SLC28A1: variants seen among roughly 807,000 people sequenced by gnomAD.
The protein encoded by SLC28A1 is solute carrier family 28 member 1.
A neutral mutation model predicts 74.8 loss-of-function variants in SLC28A1; 64 were observed. The ratio of observed to expected loss-of-function variants is 0.86; its 90% CI spans 0.70 to 1.05. The LOEUF is 1.05. Among genes scored for constraint, SLC28A1 ranks in the 50% least tolerant of loss-of-function variants. SLC28A1 has a pLI of 0.00. For missense variants in SLC28A1, 828 were observed against 822.8 expected (o/e 1.01, Z -0.08); for synonymous variants, 359 against 335.0 (o/e 1.07, Z -0.78).
the SLC28A1 span, among the ~76,000 whole-genome samples, chr15:84,952,296 T>C: frequency 6.6e-6 from 1 of 152,332 alleles, no homozygotes; most frequent in East Asian, 1.9e-4. Context: ...CTGCTCTCTA[T>C]ACAGACATCT....
At chr15:84,906,575 TTCC>T (rs1567140781) in intron 8 of SLC28A1, among the ~76,000 whole-genome samples, 2 of 39,562 alleles carry the variant, frequency 5.1e-5, no homozygotes, top group Non-Finnish European at 1.1e-4. Context: ...TCTTTCTTTC[TTCC>T]TTCCTTCCTT....
intron 12 of SLC28A1, among the ~76,000 whole-genome samples, chr15:84,932,353 G>T (rs1013476473): frequency 1.3e-5 from 2 of 152,206 alleles, no homozygotes; most frequent in Non-Finnish European, 2.9e-5. Flanking sequence ...GAAGCAAAGG[G>T]TTTGGGGTCC....
intron 9 of SLC28A1, among the ~76,000 whole-genome samples, chr15:84,917,699 A>G (rs1969312241): frequency 6.6e-6 from 1 of 152,196 alleles, no homozygotes; most frequent in Admixed American, 6.5e-5. Context: ...GAGCTTCTGC[A>G]TTCTTGTTTC....
chr15:84,900,038 C>T (rs140675912), intron 6 of SLC28A1, among the ~76,000 whole-genome samples: 3,854 of 151,814 alleles, frequency 0.025, 76 homozygotes, highest in Non-Finnish European at 0.038. Context: ...GCCTGCCGGC[C>T]AGGTGTGGTA....
At chr15:84,926,804 G>GT (rs1202322588) in intron 12 of SLC28A1, among the ~76,000 whole-genome samples, 2 of 86,972 alleles carry the variant, frequency 2.3e-5, no homozygotes, top group East Asian at 4.4e-4. Flanking sequence ...GTGGGGGGAG[G>GT]GGGGGGGTGG....
At chr15:84,943,340 C>A in intron 15 of SLC28A1, 105 bp from the exon 16 acceptor site, 1 of 794,266 alleles carries the variant, frequency 1.3e-6, no homozygotes, top group South Asian at 1.4e-5. Context: ...AGGTCAATTA[C>A]ATGTAAGAAG....
Position 84,916,294 on chromosome 15 carries a change from T to C in SLC28A1, c.796-2230T>C, listed in dbSNP as rs897304929. 5.5e-5 allele frequency among the ~76,000 whole-genome samples: 8 copies of C among 145,658 alleles called. No individual in the cohort carries two copies. The East Asian group carries it at 1.6e-3, about 29-fold the overall frequency. On this transcript the variant is annotated intron_variant, in intron 9 of 18. Coordinates refer to ENST00000394573, the MANE Select transcript of SLC28A1 (RefSeq NM_004213.5). ...TCTTACTCTGTTGTCTGGGCTGTAG[T>C]GCAGTGGCATGATCATGACTTACTG...
At chr15:84,936,096 C>T (rs796577377) in intron 15 of SLC28A1, among the ~76,000 whole-genome samples, 1 of 150,454 alleles carries the variant, frequency 6.6e-6, no homozygotes, top group African/African-American at 2.5e-5. Context: ...GCTGGGACTA[C>T]AGGCGCCCAC....
intron 15 of SLC28A1, among the ~76,000 whole-genome samples, chr15:84,938,090 C>T (rs7178618): frequency 0.9 from 136,885 of 151,712 alleles, 61,977 homozygotes; most frequent in African/African-American, 0.97. Flanking sequence ...ATCCCAGCTA[C>T]TCAGGAGGCT....
intron 11 of SLC28A1, among the ~76,000 whole-genome samples, chr15:84,921,795 G>A (rs920083517): frequency 6.6e-6 from 1 of 152,136 alleles, no homozygotes; most frequent in Non-Finnish European, 1.5e-5. Flanking sequence ...GTTTTTAGCC[G>A]ATGAAGATAG....
chr15:84,891,588 G>A (rs1202675951), intron 5 of SLC28A1, among the ~76,000 whole-genome samples: 1 of 152,188 alleles, frequency 6.6e-6, no homozygotes, highest in Admixed American at 6.5e-5. Flanking sequence ...GTTGGCGGCA[G>A]CCAAAGGAGC....
intron 7 of SLC28A1, 125 bp downstream of exon 7, chr15:84,904,363 T>C (rs1374823534): frequency 2.1e-5 from 28 of 1,358,796 alleles, no homozygotes; most frequent in Non-Finnish European, 2.9e-5. Context: ...GCTCAGGGCC[T>C]GGAGAAGGCC....
chr15:84,925,608 A>G (rs1388286603), intron 12 of SLC28A1, among the ~76,000 whole-genome samples: 1 of 152,136 alleles, frequency 6.6e-6, no homozygotes, highest in Admixed American at 6.5e-5. Flanking sequence ...TCAAAAAAAG[A>G]AAAGAAATGA....
the SLC28A1 span, among the ~76,000 whole-genome samples, chr15:84,950,896 G>A: frequency 3.0e-4 from 46 of 152,158 alleles, 1 homozygote; most frequent in Middle Eastern, 3.4e-3. Context: ...GCCGTGTTAC[G>A]ACTACTCAAC....
chr15:84,912,023 C>G (rs1376804026), intron 9 of SLC28A1, among the ~76,000 whole-genome samples: 6 of 152,148 alleles, frequency 3.9e-5, no homozygotes, highest in Admixed American at 6.6e-5. Context: ...GTTTCCTGGC[C>G]CCTGGTAGGC....
Position 84,945,186 on chromosome 15 carries a change from A to G in SLC28A1, c.1936A>G (p.Ile646Val), listed in dbSNP as rs1258539184. The G allele has an allele frequency of 1.9e-6, 3 of 1,613,958 alleles. No individual in the cohort carries two copies. Among genetic ancestry groups the G allele is most frequent in the Non-Finnish European group, 2.5e-6 (3 of 1,179,914 alleles). Residue 646 changes from isoleucine (I) to valine (V), a missense_variant, in exon 19 of 19, where the codon ATC (isoleucine) becomes GTC (valine). By Grantham distance (29) the Ile-to-Val change is conservative. Transcript: ENST00000394573. Reference sequence around the variant, plus strand: ...CTGCTGTCGGTTTTACAACCACACGATCTGTGCACAGTGAGGACAGAACAT... The same window carrying G: ...CTGCTGTCGGTTTTACAACCACACGGTCTGTGCACAGTGAGGACAGAACAT... The part of the protein sequence containing the change: ...DNCCRFYNHT[I>V]CAQ
At chr15:84,932,373 T>C (rs1971411476) in intron 12 of SLC28A1, among the ~76,000 whole-genome samples, 1 of 152,180 alleles carries the variant, frequency 6.6e-6, no homozygotes, top group African/African-American at 2.4e-5. Flanking sequence ...CCAGTGAAGA[T>C]AAAACTTCAG....
the SLC28A1 span, among the ~76,000 whole-genome samples, chr15:84,966,564 C>T: frequency 0.051 from 7,796 of 152,098 alleles, 522 homozygotes; most frequent in Admixed American, 0.17. Flanking sequence ...CATGCTGCTG[C>T]TAAAGACTTA....
At chr15:84,888,517 G>C (rs985734774) in intron 3 of SLC28A1, among the ~76,000 whole-genome samples, 4 of 152,130 alleles carry the variant, frequency 2.6e-5, no homozygotes, top group Admixed American at 2.6e-4. Context: ...CTCAGTCACA[G>C]CTGGGCCGCA....
Sources: allele counts gnomAD v4.1 joint callset (sites outside exome capture counted in the v4.1 genomes callset), GRCh38; gene constraint gnomAD v4.1.1; transcripts MANE v1.5; gene names NCBI Gene and HGNC (gene_info 2026-07-23, HGNC 2026-07-21).